BTBD2: variants seen among roughly 807,000 people sequenced by gnomAD.
The protein encoded by BTBD2 is BTB domain containing 2, also known as BTB/POZ domain-containing protein 2.
Under a neutral mutation model 44.0 loss-of-function variants are expected in BTBD2, and 15 were observed. The ratio of observed to expected loss-of-function variants is 0.34; its 90% CI spans 0.23 to 0.53. BTBD2 has a LOEUF of 0.53. Among genes scored for constraint, BTBD2 ranks in the 20% least tolerant of loss-of-function variants. The pLI is 0.95. For missense variants in BTBD2, 657 were observed against 746.4 expected (o/e 0.88, Z 1.39); for synonymous variants, 443 against 335.9 (o/e 1.32, Z -3.49).
chr19:2,013,890 G>C, intron 1 of BTBD2: 1 of 152,096 alleles, frequency 6.6e-6, no homozygotes, highest in Non-Finnish European at 1.5e-5. Flanking sequence ...CCTGGATGGT[G>C]GGGGAAGAGG....
rs150753596 is a variant in BTBD2 at position 1,996,478 on chromosome 19, C to CTTT, written c.527+863_527+865dup. Among the ~76,000 whole-genome samples, 313 of 139,070 alleles carry CTTT rather than the reference C, an allele frequency of 2.3e-3. 2 individuals carry two copies. Among genetic ancestry groups the CTTT allele is most frequent in the Admixed American group, 6.4e-3 (86 of 13,492 alleles). 91.2% of individuals were successfully genotyped at this position (139,070 alleles called of 152,430 possible). A position where few individuals can be genotyped will look rare whatever the true frequency, so the allele number is the denominator to read the frequency against. Reference sequence around the variant, plus strand: ...TTTAAATTTCTTTCACTGATGTTTCCTTTTTTTTGTTGTTGTTGTTATTTT... The same window carrying CTTT: ...TTTAAATTTCTTTCACTGATGTTTCCTTTTTTTTTTTGTTGTTGTTGTTATTTT... On this transcript the variant is annotated intron_variant, in intron 2 of 8. Coordinates refer to ENST00000255608, the MANE Select transcript of BTBD2 (RefSeq NM_017797.4).
intron 2 of BTBD2, among the ~76,000 whole-genome samples, chr19:1,996,658 C>A (rs922634347): frequency 1.3e-5 from 2 of 148,724 alleles, no homozygotes; most frequent in Admixed American, 6.7e-5. Context: ...CTGAGGCAGG[C>A]GGATCACCTG....
chr19:2,007,849 C>G (rs144282144), intron 1 of BTBD2, among the ~76,000 whole-genome samples: 1 of 141,200 alleles, frequency 7.1e-6, no homozygotes, highest in Non-Finnish European at 1.5e-5. Context: ...AAACAAAACA[C>G]AGAATATAAG....
intron 1 of BTBD2, among the ~76,000 whole-genome samples, chr19:2,005,781 C>CAA (rs71176506): frequency 1.2e-3 from 160 of 132,098 alleles, no homozygotes; most frequent in African/African-American, 4.2e-3. Flanking sequence ...AACTCCGTCT[C>CAA]AAAAAAAAAA....
chr19:1,995,890 C>T (rs577896330), intron 2 of BTBD2, among the ~76,000 whole-genome samples: 2 of 152,186 alleles, frequency 1.3e-5, no homozygotes, highest in African/African-American at 4.8e-5. Flanking sequence ...CTCCTGATCT[C>T]GTGATCCGCC....
chr19:2,009,524 A>G (rs1255275207), intron 1 of BTBD2, among the ~76,000 whole-genome samples: 3 of 150,956 alleles, frequency 2.0e-5, no homozygotes, highest in Non-Finnish European at 4.4e-5. Context: ...AGACCTCGCT[A>G]CAATGCTGAC....
In BTBD2 at chr19:2,007,003, G is replaced by A. The variant is rs553553910; in HGVS notation, c.407+8294C>T. On this transcript the variant is annotated intron_variant, in intron 1 of 8. Coordinates refer to ENST00000255608, the MANE Select transcript of BTBD2 (RefSeq NM_017797.4). ...CTCCCAAGCAGCTGGGATTACAGGC[G>A]CTCGCCACCACGCCCGGCTAATTTT... Among the ~76,000 whole-genome samples, 31 of 152,196 alleles carry A rather than the reference G, an allele frequency of 2.0e-4. No homozygotes were observed. The East Asian group carries it at 5.4e-3, about 27-fold the overall frequency.
chr19:1,994,755 T>C (rs1332907309), intron 2 of BTBD2, among the ~76,000 whole-genome samples: 1 of 151,936 alleles, frequency 6.6e-6, no homozygotes, highest in African/African-American at 2.4e-5. Context: ...CGCTACTCCA[T>C]CTCAAAAAAT....
At chr19:1,999,446 G>C (rs1170573579) in intron 1 of BTBD2, among the ~76,000 whole-genome samples, 1 of 152,188 alleles carries the variant, frequency 6.6e-6, no homozygotes, top group Non-Finnish European at 1.5e-5. Flanking sequence ...CGGGAGGATC[G>C]CTTGAGCCCA....
chr19:1,993,861 G>A, intron 2 of BTBD2, among the ~76,000 whole-genome samples: 1 of 151,786 alleles, frequency 6.6e-6, no homozygotes. Context: ...GCTGGGCGTG[G>A]TGGTGGGCGC....
intron 1 of BTBD2, chr19:2,013,818 G>A (rs995173666): frequency 1.3e-5 from 4 of 301,036 alleles, no homozygotes; most frequent in Non-Finnish European, 2.0e-5. Context: ...CAGCAGGGAG[G>A]ACGCAGGGAG....
At chr19:2,000,721 G>T (rs937493059) in intron 1 of BTBD2, among the ~76,000 whole-genome samples, 7 of 151,982 alleles carry the variant, frequency 4.6e-5, no homozygotes, top group South Asian at 2.1e-4. Flanking sequence ...GAGAACACAC[G>T]GCCACACAAA....
At chr19:1,986,670 G>T (rs1415929848) in intron 8 of BTBD2, 21 bp from the exon 9 acceptor site, 1 of 1,611,590 alleles carries the variant, frequency 6.2e-7, no homozygotes, top group Admixed American at 1.7e-5. Flanking sequence ...TAGGGGTACA[G>T]TGAGGTCAAG....
chr19:1,989,872 C>T (rs1008963892), intron 5 of BTBD2, 132 bp downstream of exon 5: 7 of 1,073,200 alleles, frequency 6.5e-6, no homozygotes, highest in Middle Eastern at 2.2e-4. Context: ...AGCCAGGTTT[C>T]TTCCTATCTG....
intron 5 of BTBD2, chr19:1,988,046 T>G: frequency 4.1e-6 from 1 of 242,366 alleles, no homozygotes. Flanking sequence ...GCCTGTTCTC[T>G]CAGGGCCATT....
At chr19:2,000,570 C>G (rs2016316168) in intron 1 of BTBD2, among the ~76,000 whole-genome samples, 2 of 152,202 alleles carry the variant, frequency 1.3e-5, no homozygotes, top group South Asian at 4.1e-4. Context: ...CGAGCCCCTC[C>G]CTGGAGACAC....
At chr19:2,006,891 T>A (rs1427904984) in intron 1 of BTBD2, among the ~76,000 whole-genome samples, 1 of 151,800 alleles carries the variant, frequency 6.6e-6, no homozygotes, top group Non-Finnish European at 1.5e-5. Context: ...ACGGTCTCAC[T>A]CTATCGCCCA....
chr19:1,991,333 G>T (rs1863367180), intron 3 of BTBD2: 1 of 158,536 alleles, frequency 6.3e-6, no homozygotes, highest in African/African-American at 2.4e-5. Context: ...GGACGCCTGT[G>T]CTCTTAGGGA....
intron 1 of BTBD2, chr19:2,003,557 T>C (rs1288041365): frequency 6.6e-6 from 1 of 151,736 alleles, no homozygotes; most frequent in Non-Finnish European, 1.5e-5. Flanking sequence ...TCACATGAGG[T>C]TGGGAGTTCA....
Sources: gnomAD v4.1 joint callset for allele counts (sites outside exome capture counted in the v4.1 genomes callset) on GRCh38, gnomAD v4.1.1 for gene constraint, MANE v1.5 for transcripts, NCBI Gene and HGNC (gene_info 2026-07-23, HGNC 2026-07-21) for gene names.